SDK1: variants seen among roughly 807,000 people sequenced by gnomAD.
The protein encoded by SDK1 is protein sidekick-1.
Under a neutral mutation model 245.5 loss-of-function variants are expected in SDK1, and 157 were observed. The observed-to-expected ratio is 0.64, with a 90% CI of 0.56 to 0.73. The LOEUF is 0.73. Ranked by LOEUF, SDK1 falls within the 30% of genes least tolerant of loss-of-function variation. The probability of loss-of-function intolerance (pLI) is 0.00; values close to 1 mark genes in which losing one functional copy is unlikely to be tolerated. For synonymous variants in SDK1, 1,647 were observed against 1,278.5 expected (o/e 1.29, Z -6.15); for missense variants, 3,583 against 3,002.3 (o/e 1.19, Z -4.52).
intron 5 of SDK1, among the ~76,000 whole-genome samples, chr7:3,912,526 G>T (rs1250737315): frequency 6.6e-6 from 1 of 152,172 alleles, no homozygotes; most frequent in Non-Finnish European, 1.5e-5. Context: ...ATTTATCCGG[G>T]GAAGAGGTAC....
At chr7:4,238,294 G>A (rs1786308422) in intron 42 of SDK1, among the ~76,000 whole-genome samples, 1 of 151,896 alleles carries the variant, frequency 6.6e-6, no homozygotes, top group African/African-American at 2.4e-5. Flanking sequence ...TGGCCAGGCT[G>A]GTCTCGAAAT....
chr7:3,554,192 C>T (rs376395540), intron 1 of SDK1, among the ~76,000 whole-genome samples: 14 of 152,274 alleles, frequency 9.2e-5, no homozygotes, highest in Admixed American at 2.6e-4. Context: ...TTCACCAAGA[C>T]GGCGCACATC....
chr7:3,659,161 T>G (rs2128658765), intron 4 of SDK1, among the ~76,000 whole-genome samples: 1 of 152,324 alleles, frequency 6.6e-6, no homozygotes, highest in East Asian at 1.9e-4. Flanking sequence ...ATTAAATATT[T>G]CACCGGGTTC....
chr7:3,943,471 C>T, intron 5 of SDK1, among the ~76,000 whole-genome samples: 1 of 149,064 alleles, frequency 6.7e-6, no homozygotes, highest in South Asian at 2.2e-4. Context: ...AGCTGTGTGC[C>T]CAGCTGCCTA....
At chr7:4,231,360 T>G (rs1019498143) in intron 40 of SDK1, among the ~76,000 whole-genome samples, 4 of 150,878 alleles carry the variant, frequency 2.7e-5, no homozygotes, top group African/African-American at 9.8e-5. Flanking sequence ...GCTCGGCAGT[T>G]CGAGCCCAGC....
chr7:4,204,378 C>T (rs117492139), intron 35 of SDK1, among the ~76,000 whole-genome samples: 1 of 152,138 alleles, frequency 6.6e-6, no homozygotes, highest in Non-Finnish European at 1.5e-5. Context: ...TCACAACAAC[C>T]TGGTGTGGGC....
At chr7:3,553,376 A>G (rs538928201) in intron 1 of SDK1, among the ~76,000 whole-genome samples, 1 of 152,138 alleles carries the variant, frequency 6.6e-6, no homozygotes, top group Non-Finnish European at 1.5e-5. Context: ...CTTTCTCCCA[A>G]CTAAATACAA....
chr7:3,738,569 A>G (rs2115049297), intron 4 of SDK1, among the ~76,000 whole-genome samples: 1 of 152,326 alleles, frequency 6.6e-6, no homozygotes, highest in African/African-American at 2.4e-5. Flanking sequence ...TTTCTGCAAA[A>G]GAAAATGCCA....
At chr7:4,219,341 A>T (rs1288760756) in intron 38 of SDK1, among the ~76,000 whole-genome samples, 2 of 152,198 alleles carry the variant, frequency 1.3e-5, no homozygotes, top group Non-Finnish European at 2.9e-5. Context: ...GCTAATAAAG[A>T]CATACTTGAG....
intron 1 of SDK1, among the ~76,000 whole-genome samples, chr7:3,542,422 C>G (rs1423318430): frequency 6.6e-6 from 1 of 152,154 alleles, no homozygotes; most frequent in Non-Finnish European, 1.5e-5. Flanking sequence ...CTGGTGTGGC[C>G]TTTTCTCCCA....
chr7:4,229,625 G>T (rs960915637), intron 40 of SDK1, among the ~76,000 whole-genome samples: 3 of 151,954 alleles, frequency 2.0e-5, no homozygotes, highest in African/African-American at 7.3e-5. Context: ...AAACATTAAT[G>T]CAAAAGACAT....
intron 4 of SDK1, among the ~76,000 whole-genome samples, chr7:3,795,775 G>A (rs970694812): frequency 6.6e-6 from 1 of 152,206 alleles, no homozygotes; most frequent in African/African-American, 2.4e-5. Context: ...ACAGTTATAC[G>A]ATAAAGTCAC....
chr7:4,067,986 A>G, intron 20 of SDK1, 50 bp downstream of exon 20: 1 of 1,374,534 alleles, frequency 7.3e-7, no homozygotes, highest in Non-Finnish European at 1.0e-6. Context: ...TGTCCTCACA[A>G]AAAGAAGTGG....
intron 1 of SDK1, among the ~76,000 whole-genome samples, chr7:3,316,016 G>T (rs1300239865): frequency 6.6e-6 from 1 of 152,112 alleles, no homozygotes; most frequent in Non-Finnish European, 1.5e-5. Flanking sequence ...TAATCTTTAT[G>T]ATTCTAGTGT....
chr7:3,728,693 C>T (rs1377731747), intron 4 of SDK1, among the ~76,000 whole-genome samples: 1 of 152,186 alleles, frequency 6.6e-6, no homozygotes, highest in East Asian at 1.9e-4. Flanking sequence ...GTATCCTCCA[C>T]CTCCTGGGCT....
chr7:3,445,891 C>A (rs1216427192), intron 1 of SDK1, among the ~76,000 whole-genome samples: 1 of 151,850 alleles, frequency 6.6e-6, no homozygotes, highest in Non-Finnish European at 1.5e-5. Context: ...ATTCTCTTAT[C>A]ACTTTTGTTT....
chr7:3,906,379 C>T lies in SDK1; in HGVS notation c.848-44544C>T, dbSNP rs529384673. Among the ~76,000 whole-genome samples, 144 of 148,452 alleles carry T rather than the reference C, an allele frequency of 9.7e-4. No individual in the cohort carries two copies. In the East Asian group the frequency reaches 0.015, roughly 15 times the overall value. ...TAATCTTTACAATGGTGGCTGTATGCGTATGTGTGTGTGTGTGTGTGAGAG... is the reference window on the plus strand; with the variant it reads ...TAATCTTTACAATGGTGGCTGTATGTGTATGTGTGTGTGTGTGTGTGAGAG... On this transcript the variant is annotated intron_variant, in intron 5 of 44. Transcript: ENST00000404826.
chr7:3,923,447 T>C (rs1352842944), intron 5 of SDK1, among the ~76,000 whole-genome samples: 1 of 152,216 alleles, frequency 6.6e-6, no homozygotes, highest in Non-Finnish European at 1.5e-5. Flanking sequence ...AATCGAGAAG[T>C]TGCCCGGGCT....
chr7:4,013,524 AAT>A (rs1786151734), intron 16 of SDK1, among the ~76,000 whole-genome samples: 1 of 152,198 alleles, frequency 6.6e-6, no homozygotes, highest in Non-Finnish European at 1.5e-5. Context: ...TTCTTAGATA[AAT>A]GTGAGAAATT....
Sources: allele counts gnomAD v4.1 joint callset (sites outside exome capture counted in the v4.1 genomes callset), GRCh38; gene constraint gnomAD v4.1.1; transcripts MANE v1.5; gene names NCBI Gene and HGNC (gene_info 2026-07-23, HGNC 2026-07-21).